Variants in ALLC observed in about 807,000 individuals in gnomAD.
ALLC encodes the protein probable inactive allantoicase.
In ALLC, 40 loss-of-function variants were observed where a neutral mutation model predicts 45.0. The observed-to-expected ratio is 0.89, with a 90% CI of 0.69 to 1.16. The LOEUF is 1.16. Ranked by LOEUF, ALLC falls within the 50% of genes most tolerant of loss-of-function variation. ALLC has a pLI of 0.00. For synonymous variants in ALLC, 176 were observed against 178.1 expected (o/e 0.99, Z 0.09); for missense variants, 488 against 493.1 (o/e 0.99, Z 0.10).
the ALLC span, among the ~76,000 whole-genome samples, chr2:3,651,308 G>A: frequency 0.096 from 471 of 4,922 alleles, 102 homozygotes; most frequent in East Asian, 0.2. Flanking sequence ...GGGTGGGTGG[G>A]TGGGTGGGGG....
chr2:3,660,663 C>G (rs1252487995), intron 1 of ALLC, among the ~76,000 whole-genome samples: 1 of 151,728 alleles, frequency 6.6e-6, no homozygotes, highest in Non-Finnish European at 1.5e-5. Flanking sequence ...CACGTGGCCC[C>G]TGCTGCTGTA....
At position 3,672,412 on chromosome 2, in the gene ALLC, T is replaced by A. The variant is rs1197299996; in HGVS notation, c.33+1222T>A. On this transcript the variant is annotated intron_variant, in intron 2 of 11. Transcript: ENST00000252505. ...GGTCCTCTGGCTCTAGTTAGACCTG[T>A]GGTCCTCTGGCTCTGGTTAGATGGG... Among the ~76,000 whole-genome samples, 10 of 93,608 alleles carry A rather than the reference T, an allele frequency of 1.1e-4. No individual in the cohort carries two copies. In the South Asian group the frequency reaches 1.1e-3, roughly 10 times the overall value. 61.4% of individuals were successfully genotyped at this position (93,608 alleles called of 152,430 possible).
At position 3,659,825 on chromosome 2, in the gene ALLC, G is replaced by A. The variant is rs962184162; in HGVS notation, c.-63+1531G>A. Reference sequence around the variant, plus strand: ...GGCCCTGCACAGCACAGGCCACTGTGGATACTTCTGGGATTTGTGGCTGAG... The same window carrying A: ...GGCCCTGCACAGCACAGGCCACTGTAGATACTTCTGGGATTTGTGGCTGAG... On this transcript the variant is annotated intron_variant, in intron 1 of 11. Transcript: ENST00000252505. 2.6e-5 allele frequency among the ~76,000 whole-genome samples: 4 copies of A among 152,222 alleles called. No individual in the cohort carries two copies. The East Asian group carries it at 7.7e-4, about 29-fold the overall frequency.
chr2:3,648,039 G>A, the ALLC span, among the ~76,000 whole-genome samples: 4 of 152,068 alleles, frequency 2.6e-5, no homozygotes, highest in African/African-American at 7.3e-5. Flanking sequence ...GTGGGCAGGT[G>A]TGGGGCAATG....
rs1211884309 is a variant in ALLC at position 3,679,811 on chromosome 2, A to G, written c.173-58A>G. ...GTGCATGTGGGGTGCACTGCCTCGCATGCAGCATCTGCTGTGTTGGCCCTA... is the reference window on the plus strand; with the variant it reads ...GTGCATGTGGGGTGCACTGCCTCGCGTGCAGCATCTGCTGTGTTGGCCCTA... On this transcript the variant is annotated intron_variant, in intron 4 of 11. Coordinates refer to ENST00000252505, the MANE Select transcript of ALLC (RefSeq NM_018436.4). The G allele has an allele frequency of 1.9e-6, 3 of 1,604,448 alleles. No individual in the cohort carries two copies. In the East Asian group the frequency reaches 6.7e-5, roughly 36 times the overall value.
At chr2:3,654,632 A>T (rs1666402362), upstream of ALLC, among the ~76,000 whole-genome samples, 1 of 152,256 alleles carries the variant, frequency 6.6e-6, no homozygotes. Flanking sequence ...CACGAGCCAG[A>T]CACTGCCAGA....
Position 3,659,903 on chromosome 2 carries a change from T to C in ALLC, c.-63+1609T>C, listed in dbSNP as rs372670644. 1.4e-4 allele frequency among the ~76,000 whole-genome samples: 22 copies of C among 152,358 alleles called. No homozygotes were observed. In the East Asian group the frequency reaches 2.7e-3, roughly 19 times the overall value. ...ACGGCCCTTTCACAGCAGACACTGG[T>C]TGGGCCTGTGCTGTGGCCTGGAGGC... On this transcript the variant is annotated intron_variant, in intron 1 of 11. Transcript: ENST00000252505.
chr2:3,668,566 C>CTTTTTTTTTTTTT lies in ALLC; in HGVS notation c.-62-2515_-62-2503dup, dbSNP rs1173613810. On this transcript the variant is annotated intron_variant, in intron 1 of 11. Transcript: ENST00000252505. ...TGTGTAATATGCATAATGTGTATGA[C>CTTTTTTTTTTTTT]TTTTTTTTTTTTTTTTTTTTTTTTT... Among the ~76,000 whole-genome samples, 6 of 71,890 alleles carry CTTTTTTTTTTTTT rather than the reference C, an allele frequency of 8.3e-5. 1 individual carries two copies. The highest frequency in any genetic ancestry group is 4.4e-4 in the African/African-American group (6 of 13,672). 47.2% of individuals were successfully genotyped at this position (71,890 alleles called of 152,430 possible).
intron 2 of ALLC, 64 bp downstream of exon 2, chr2:3,671,254 A>G: frequency 6.4e-7 from 1 of 1,551,986 alleles, no homozygotes; most frequent in Non-Finnish European, 8.8e-7. Context: ...ACAACTCACC[A>G]GTGCAGAGAA....
intron 1 of ALLC, among the ~76,000 whole-genome samples, chr2:3,662,216 C>T (rs1039480244): frequency 2.0e-5 from 3 of 152,196 alleles, no homozygotes; most frequent in Admixed American, 6.5e-5. Flanking sequence ...CCACCCAGAT[C>T]GTCCAGAATT....
At chr2:3,651,156 C>T in the ALLC span, among the ~76,000 whole-genome samples, 2 of 151,990 alleles carry the variant, frequency 1.3e-5, no homozygotes, top group South Asian at 4.2e-4. Context: ...TGGGGCTGCC[C>T]GGCGGTGGCG....
rs140884147 is a variant in ALLC, at chr2:3,685,428, C to CGA, written c.511+2371_511+2372dup. Among the ~76,000 whole-genome samples the CGA allele has an allele frequency of 5.5e-4, 81 of 145,990 alleles. 2 individuals are homozygous for CGA. The highest frequency in any genetic ancestry group is 1.4e-3 in the Admixed American group (20 of 14,606). On this transcript the variant is annotated intron_variant, in intron 7 of 11. Transcript: ENST00000252505. ...GGCATGTCTTACATGGCAGCAGGAT[C>CGA]GAGAGAGAGAGAGAGAGACAGAGAG...
chr2:3,691,454 G>A (rs1298114937), intron 7 of ALLC, among the ~76,000 whole-genome samples: 1 of 151,780 alleles, frequency 6.6e-6, no homozygotes. Context: ...GTAGAAATGG[G>A]GTTTTACCAT....
At chr2:3,678,879 T>A (rs1286992023) in intron 4 of ALLC, among the ~76,000 whole-genome samples, 1 of 152,184 alleles carries the variant, frequency 6.6e-6, no homozygotes, top group South Asian at 2.1e-4. Context: ...ATCTTCTGGG[T>A]CCTTACTACA....
At chr2:3,647,078 C>G in the ALLC span, among the ~76,000 whole-genome samples, 3 of 152,170 alleles carry the variant, frequency 2.0e-5, no homozygotes, top group Admixed American at 1.3e-4. Flanking sequence ...CCTCATCCCC[C>G]CATTGCCTCT....
At chr2:3,649,908 AC>A in the ALLC span, among the ~76,000 whole-genome samples, 5 of 152,276 alleles carry the variant, frequency 3.3e-5, no homozygotes, top group African/African-American at 1.2e-4. Flanking sequence ...CATCAGTGTT[AC>A]AACGAAGCAA....
chr2:3,655,129 G>A (rs780735544), upstream of ALLC, among the ~76,000 whole-genome samples: 20 of 152,230 alleles, frequency 1.3e-4, no homozygotes, highest in Non-Finnish European at 2.9e-4. Context: ...TGGCCTCTCT[G>A]CAGGGCAGGT....
At chr2:3,667,243 G>A (rs557779189) in intron 1 of ALLC, among the ~76,000 whole-genome samples, 1 of 152,184 alleles carries the variant, frequency 6.6e-6, no homozygotes, top group East Asian at 1.9e-4. Flanking sequence ...ACCTCGAGGG[G>A]GCCTCTGTCA....
intron 8 of ALLC, 76 bp from the exon 9 acceptor site, chr2:3,696,199 A>G: frequency 8.2e-7 from 1 of 1,214,566 alleles, no homozygotes. Context: ...AAGATCTGTA[A>G]TTTAATTACA....
Sources: gnomAD v4.1 joint callset for allele counts (sites outside exome capture counted in the v4.1 genomes callset) on GRCh38, gnomAD v4.1.1 for gene constraint, MANE v1.5 for transcripts, NCBI Gene and HGNC (gene_info 2026-07-23, HGNC 2026-07-21) for gene names.